Variants in NKAIN2 observed in about 807,000 individuals in gnomAD.
The protein encoded by NKAIN2 is sodium/potassium transporting ATPase interacting 2.
In NKAIN2, 14 loss-of-function variants were observed where a neutral mutation model predicts 32.6. That is an observed-to-expected ratio of 0.43 (90% CI 0.28 to 0.67). The LOEUF (loss-of-function observed/expected upper bound fraction) is 0.67. Among genes scored for constraint, NKAIN2 ranks in the 30% least tolerant of loss-of-function variants. The pLI is 0.17. For missense variants in NKAIN2, 198 were observed against 258.3 expected (o/e 0.77, Z 1.60); for synonymous variants, 80 against 87.2 (o/e 0.92, Z 0.46).
Position 124,647,362 on chromosome 6 carries a change from C to T in NKAIN2, c.274-10824C>T, listed in dbSNP as rs1046352204. 6.6e-5 allele frequency among the ~76,000 whole-genome samples: 10 copies of T among 151,836 alleles called. 1 individual carries two copies. In the South Asian group the frequency reaches 2.1e-3, roughly 32 times the overall value. On this transcript the variant is annotated intron_variant, in intron 3 of 6. Coordinates refer to ENST00000368417, the MANE Select transcript of NKAIN2 (RefSeq NM_001040214.3). ...AGGAGTTCAAGACCAGACTGGCCAA[C>T]ATAATGAAACCCTGTCTCTACTAAA...
At chr6:123,867,161 C>G (rs1746855837) in intron 1 of NKAIN2, among the ~76,000 whole-genome samples, 1 of 152,182 alleles carries the variant, frequency 6.6e-6, no homozygotes, top group South Asian at 2.1e-4. Context: ...GATCTCTTGA[C>G]ATTAGGTATC....
intron 3 of NKAIN2, among the ~76,000 whole-genome samples, chr6:124,470,001 T>G (rs1776910472): frequency 6.7e-6 from 1 of 148,252 alleles, no homozygotes; most frequent in Non-Finnish European, 1.5e-5. Context: ...AGTTACAGTT[T>G]GAGATGCTCA....
intron 1 of NKAIN2, among the ~76,000 whole-genome samples, chr6:123,846,859 C>A (rs1775115063): frequency 6.6e-6 from 1 of 151,818 alleles, no homozygotes; most frequent in Non-Finnish European, 1.5e-5. Flanking sequence ...CACACACACA[C>A]ACATAACACA....
rs1778883578 is a variant in NKAIN2, at chr6:124,515,706, G to GCATTTTCCCTT, written c.274-142479_274-142478insATTTTCCCTTC. On this transcript the variant is annotated intron_variant, in intron 3 of 6. Transcript: ENST00000368417. ...GCACTTCCCTACTTCATTTTTCTTC[G>GCATTTTCCCTT]CTTTCTCTCCGTCTCGCTCTGTCGC... Among the ~76,000 whole-genome samples the GCATTTTCCCTT allele has an allele frequency of 1.1e-3, 4 of 3,646 alleles. 1 individual carries two copies. Among genetic ancestry groups the GCATTTTCCCTT allele is most frequent in the East Asian group, 0.17 (1 of 6 alleles). The allele number at this position is 3,646 out of a possible 152,430, so 2.4% of individuals were successfully genotyped here. A position where few individuals can be genotyped will look rare whatever the true frequency, so the allele number is the denominator to read the frequency against.
intron 1 of NKAIN2, among the ~76,000 whole-genome samples, chr6:124,070,654 C>T (rs1363128343): frequency 6.6e-6 from 1 of 152,106 alleles, no homozygotes; most frequent in East Asian, 1.9e-4. Flanking sequence ...CTGACTATCA[C>T]ACCTAAGTTC....
intron 3 of NKAIN2, among the ~76,000 whole-genome samples, chr6:124,560,946 A>AATC (rs1780666998): frequency 6.6e-6 from 1 of 152,132 alleles, no homozygotes; most frequent in Non-Finnish European, 1.5e-5. Context: ...GCAGATGATT[A>AATC]AGGCACCAGA....
chr6:123,882,564 A>G (rs747628535), intron 1 of NKAIN2, among the ~76,000 whole-genome samples: 1 of 152,200 alleles, frequency 6.6e-6, no homozygotes, highest in Non-Finnish European at 1.5e-5. Context: ...AATTGAATTT[A>G]TATTTTATTT....
intron 4 of NKAIN2, among the ~76,000 whole-genome samples, chr6:124,781,806 A>C (rs1032700843): frequency 2.0e-5 from 3 of 152,114 alleles, no homozygotes; most frequent in African/African-American, 7.2e-5. Context: ...GTCCAACTAG[A>C]TTATACTGCT....
intron 3 of NKAIN2, among the ~76,000 whole-genome samples, chr6:124,540,857 A>G (rs1171583851): frequency 6.6e-6 from 1 of 152,194 alleles, no homozygotes; most frequent in Non-Finnish European, 1.5e-5. Context: ...ACTGCAGGCT[A>G]ATGTAAGTTT....
At chr6:124,130,296 T>A (rs1185489845) in intron 1 of NKAIN2, among the ~76,000 whole-genome samples, 3 of 152,180 alleles carry the variant, frequency 2.0e-5, no homozygotes, top group Non-Finnish European at 4.4e-5. Context: ...AACTGCAACT[T>A]TGATAATGTT....
Position 123,816,632 on chromosome 6 carries a change from T to C in NKAIN2, c.54+12378T>C, listed in dbSNP as rs548286947. Among the ~76,000 whole-genome samples the C allele has an allele frequency of 3.9e-3, 597 of 152,214 alleles. 3 individuals are homozygous for C. Among genetic ancestry groups the C allele is most frequent in the Non-Finnish European group, 5.4e-3 (368 of 68,012 alleles). ...CTCTAAGATGACAGTGAGAATAAAA[T>C]GTCTGAGCACAGGTAGGTGTGGGTG... is the stretch of plus-strand genomic sequence containing the variant. On this transcript the variant is annotated intron_variant, in intron 1 of 6. Coordinates refer to ENST00000368417, the MANE Select transcript of NKAIN2 (RefSeq NM_001040214.3).
intron 1 of NKAIN2, chr6:123,829,219 C>G (rs1774273620): frequency 6.6e-6 from 1 of 152,130 alleles, no homozygotes. Context: ...CAATCTTGTC[C>G]ATACTAACAT....
chr6:124,235,652 G>T (rs1415804650), intron 1 of NKAIN2, among the ~76,000 whole-genome samples: 1 of 151,176 alleles, frequency 6.6e-6, no homozygotes, highest in African/African-American at 2.4e-5. Flanking sequence ...AGACTGGAGT[G>T]CAATGGTGCG....
chr6:123,996,497 A>C (rs1488422206), intron 1 of NKAIN2, among the ~76,000 whole-genome samples: 1 of 152,138 alleles, frequency 6.6e-6, no homozygotes, highest in Non-Finnish European at 1.5e-5. Context: ...ATTAAAAACT[A>C]CAAAAAGGAG....
chr6:124,414,012 T>G, intron 3 of NKAIN2, among the ~76,000 whole-genome samples: 1 of 141,608 alleles, frequency 7.1e-6, no homozygotes, highest in East Asian at 2.1e-4. Flanking sequence ...CTGAATACTT[T>G]GTTCGTTTGT....
At chr6:124,526,014 A>G (rs1779297451) in intron 3 of NKAIN2, among the ~76,000 whole-genome samples, 1 of 152,196 alleles carries the variant, frequency 6.6e-6, no homozygotes, top group Admixed American at 6.5e-5. Flanking sequence ...TATATTGATG[A>G]TGAGATGGAT....
chr6:124,140,654 C>T (rs999098324), intron 1 of NKAIN2, among the ~76,000 whole-genome samples: 1 of 152,126 alleles, frequency 6.6e-6, no homozygotes, highest in African/African-American at 2.4e-5. Context: ...AATAAGGTAT[C>T]TGCACCAGTT....
chr6:124,686,948 A>C (rs900198612), intron 4 of NKAIN2, among the ~76,000 whole-genome samples: 1 of 152,030 alleles, frequency 6.6e-6, no homozygotes, highest in Non-Finnish European at 1.5e-5. Flanking sequence ...AAACATGAAA[A>C]GGTGAGATAG....
At chr6:124,295,617 A>C (rs1796014387) in intron 2 of NKAIN2, among the ~76,000 whole-genome samples, 1 of 152,196 alleles carries the variant, frequency 6.6e-6, no homozygotes, top group South Asian at 2.1e-4. Context: ...ATTTTATTTA[A>C]GGAGAAATTA....
Sources: gnomAD v4.1 joint callset for allele counts (sites outside exome capture counted in the v4.1 genomes callset) on GRCh38, gnomAD v4.1.1 for gene constraint, MANE v1.5 for transcripts, NCBI Gene and HGNC (gene_info 2026-07-23, HGNC 2026-07-21) for gene names.